APOO: variants seen among roughly 807,000 people sequenced by gnomAD.
APOO encodes the protein MICOS complex subunit MIC26.
In APOO, 11 loss-of-function variants were observed where a neutral mutation model predicts 23.1. The ratio of observed to expected loss-of-function variants is 0.48; its 90% confidence interval spans 0.30 to 0.79. The LOEUF is 0.79. Ranked by LOEUF, APOO falls within the 30% of genes least tolerant of loss-of-function variation. APOO has a pLI of 0.07. For synonymous variants in APOO, 59 were observed against 54.8 expected (o/e 1.08, Z -0.34); for missense variants, 160 against 142.7 (o/e 1.12, Z -0.62).
intron 1 of APOO, among the ~76,000 whole-genome samples, chrX:23,900,469 C>T (rs1277010645): frequency 9.1e-6 from 1 of 109,953 alleles, no homozygotes; most frequent in Non-Finnish European, 1.9e-5. Context: ...AGGTCAGGAG[C>T]TCAAGACCAG....
intron 2 of APOO, 92 bp from the exon 3 acceptor site, chrX:23,879,126 A>C: frequency 9.9e-7 from 1 of 1,012,885 alleles, no homozygotes; most frequent in Non-Finnish European, 1.3e-6. Flanking sequence ...TAATATTTCT[A>C]GTAATTCATG....
chrX:23,837,399 T>C, intron 8 of APOO: 5 of 635,050 alleles, frequency 7.9e-6, no homozygotes, highest in Non-Finnish European at 1.2e-5. Flanking sequence ...CTTCAGTAAG[T>C]TTTCTGTGCA....
intron 7 of APOO, among the ~76,000 whole-genome samples, chrX:23,846,057 C>T (rs1924212992): frequency 8.1e-5 from 9 of 111,304 alleles, no homozygotes. Context: ...GTAATCCCAG[C>T]ACTTTGGGAG....
chrX:23,866,470 C>A (rs936760299), intron 5 of APOO, among the ~76,000 whole-genome samples: 5 of 111,288 alleles, frequency 4.5e-5, no homozygotes. Flanking sequence ...CCTCCAGATT[C>A]AAAAATAACA....
At chrX:23,863,518 G>A (rs1030888607) in intron 5 of APOO, among the ~76,000 whole-genome samples, 1 of 111,881 alleles carries the variant, frequency 8.9e-6, no homozygotes, top group Non-Finnish European at 1.9e-5. Flanking sequence ...AGAATACATG[G>A]CTTTGAAAGT....
At chrX:23,889,926 G>C (rs1227304590) in intron 1 of APOO, among the ~76,000 whole-genome samples, 1 of 110,562 alleles carries the variant, frequency 9.0e-6, no homozygotes, top group Non-Finnish European at 1.9e-5. Flanking sequence ...CTCCCAAAGT[G>C]CTGGGATTAC....
chrX:23,891,296 G>A (rs929444219), intron 1 of APOO, among the ~76,000 whole-genome samples: 1 of 110,249 alleles, frequency 9.1e-6, no homozygotes, highest in Non-Finnish European at 1.9e-5. Flanking sequence ...GCCTGATCTC[G>A]GCTCACTACA....
In APOO at chrX:23,840,569, T is replaced by A. The variant is rs1601879797; in HGVS notation, c.562-192A>T. On this transcript the variant is annotated intron_variant, in intron 7 of 8. Coordinates refer to ENST00000379226, the MANE Select transcript of APOO (RefSeq NM_024122.5). The stretch of plus-strand genomic sequence containing the variant: ...ACAATGAGATCCCACATTCTCGCAG[T>A]TACCGACCATTAAATATTATTTTAC... 9.3e-6 allele frequency: 3 copies of A among 322,288 alleles called. No homozygotes were observed. The East Asian group carries it at 1.5e-4, about 16-fold the overall frequency. 26.6% of individuals were successfully genotyped at this position (322,288 alleles called of 1,213,427 possible). A position where few individuals can be genotyped will look rare whatever the true frequency, so the allele number is the denominator to read the frequency against.
Position 23,904,706 on chromosome X carries a change from C to T in APOO, c.9+2988G>A, listed in dbSNP as rs1371820321. On this transcript the variant is annotated intron_variant, in intron 1 of 8. Coordinates refer to ENST00000379226, the MANE Select transcript of APOO (RefSeq NM_024122.5). ...TATTTTTAGTAGAGACAGGGTTTCA[C>T]CATGTTAGCCAGGATGGTCTCGATC... is the stretch of plus-strand genomic sequence containing the variant. Among the ~76,000 whole-genome samples, 3 of 109,885 alleles carry T rather than the reference C, an allele frequency of 2.7e-5. No homozygotes were observed. In the East Asian group the frequency reaches 8.7e-4, roughly 32 times the overall value.
intron 1 of APOO, among the ~76,000 whole-genome samples, chrX:23,889,511 C>T (rs763068886): frequency 5.4e-5 from 6 of 110,677 alleles, no homozygotes; most frequent in African/African-American, 2.0e-4. Flanking sequence ...TACTCTCTCC[C>T]ATTTAAAAAA....
At chrX:23,895,596 T>C (rs1464277956) in intron 1 of APOO, among the ~76,000 whole-genome samples, 1 of 111,267 alleles carries the variant, frequency 9.0e-6, no homozygotes, top group Non-Finnish European at 1.9e-5. Context: ...CAACATGGCA[T>C]GTGTACCTAT....
chrX:23,897,487 C>T (rs776729971), intron 1 of APOO, among the ~76,000 whole-genome samples: 16 of 111,603 alleles, frequency 1.4e-4, no homozygotes, highest in Non-Finnish European at 2.4e-4. Context: ...AAATTTACTG[C>T]TACTTAAGAC....
At chrX:23,905,111 G>A (rs940598042) in intron 1 of APOO, among the ~76,000 whole-genome samples, 7 of 109,803 alleles carry the variant, frequency 6.4e-5, no homozygotes, top group African/African-American at 2.0e-4. Flanking sequence ...CAGTTCAGTC[G>A]GGCGCGGTGG....
chrX:23,846,575 C>CGCACCACT (rs772479890), intron 7 of APOO, among the ~76,000 whole-genome samples: 11 of 98,973 alleles, frequency 1.1e-4, no homozygotes, highest in Admixed American at 4.6e-4. Flanking sequence ...TGAACGCGAT[C>CGCACCACT]GCACCACTGC....
At position 23,880,828 on chromosome X, in the gene APOO, C is replaced by T. The variant is rs748751675; in HGVS notation, c.117+17G>A. The T allele has an allele frequency of 7.0e-5, 76 of 1,083,147 alleles. No homozygotes were observed. Among genetic ancestry groups the T allele is most frequent in the Non-Finnish European group, 8.3e-5 (68 of 817,180 alleles). The allele number at this position is 1,083,147 out of a possible 1,213,427, so 89.3% of individuals were successfully genotyped here. On this transcript the variant is annotated intron_variant, in intron 2 of 8. Transcript: ENST00000379226. ...ATCAGACACTCAAAATATATCGCAA[C>T]ATGAACAACATGTTACCTCATCAAC...
At chrX:23,903,439 A>G (rs1377093054) in intron 1 of APOO, among the ~76,000 whole-genome samples, 1 of 111,290 alleles carries the variant, frequency 9.0e-6, no homozygotes, top group Non-Finnish European at 1.9e-5. Context: ...CATTTTAACA[A>G]GAGTCACATG....
At chrX:23,907,323 G>A (rs894222429) in intron 1 of APOO, among the ~76,000 whole-genome samples, 1 of 110,155 alleles carries the variant, frequency 9.1e-6, no homozygotes, top group Non-Finnish European at 1.9e-5. Context: ...GACCCTGCCA[G>A]GCAACTAAAG....
intron 7 of APOO, among the ~76,000 whole-genome samples, chrX:23,855,496 T>TA (rs1406066408): frequency 9.0e-6 from 1 of 111,616 alleles, no homozygotes; most frequent in African/African-American, 3.3e-5. Context: ...TTATTTTTTT[T>TA]TAAAAAGTAT....
In APOO at chrX:23,833,501, C is replaced by G. The variant is rs1923509425; in HGVS notation, c.*141G>C. The G allele has an allele frequency of 8.9e-6, 1 of 111,800 alleles. No individual in the cohort carries two copies. Among genetic ancestry groups the G allele is most frequent in the African/African-American group, 3.3e-5 (1 of 30,733 alleles). 9.2% of individuals were successfully genotyped at this position (111,800 alleles called of 1,213,427 possible). A position where few individuals can be genotyped will look rare whatever the true frequency, so the allele number is the denominator to read the frequency against. On this transcript the variant is annotated 3_prime_UTR_variant, in exon 9 of 9. Coordinates refer to ENST00000379226, the MANE Select transcript of APOO (RefSeq NM_024122.5). ...TCACAGAAGATAACAGAGGTCTGGT[C>G]TAGTTTTTCCTGAAGAAGAAAGCCA...
Sources: gnomAD v4.1 joint callset for allele counts (sites outside exome capture counted in the v4.1 genomes callset) on GRCh38, gnomAD v4.1.1 for gene constraint, MANE v1.5 for transcripts, NCBI Gene and HGNC (gene_info 2026-07-23, HGNC 2026-07-21) for gene names.